TMBIM4: variants seen among roughly 807,000 people sequenced by gnomAD.
TMBIM4 encodes protein lifeguard 4.
Under a neutral mutation model 27.7 loss-of-function variants are expected in TMBIM4, and 28 were observed. The ratio of observed to expected loss-of-function variants is 1.01; its 90% CI spans 0.75 to 1.38. The LOEUF (loss-of-function observed/expected upper bound fraction) is 1.38, where lower values mean the gene tolerates loss of function less well. Among genes scored for constraint, TMBIM4 ranks in the 40% most tolerant of loss-of-function variants. The pLI, the probability that TMBIM4 is intolerant of heterozygous loss-of-function variation, is 0.00. For missense variants in TMBIM4, 265 were observed against 277.5 expected (o/e 0.95, Z 0.32); for synonymous variants, 115 against 113.1 (o/e 1.02, Z -0.11).
rs1193505198 is a variant in TMBIM4, at chr12:66,145,970, A to ACC, written c.347-13_347-12insGG. The ACC allele has an allele frequency of 1.4e-6, 2 of 1,391,494 alleles. No individual in the cohort carries two copies. The highest frequency in any genetic ancestry group is 2.0e-6 in the Non-Finnish European group (2 of 992,046). 86.2% of individuals were successfully genotyped at this position (1,391,494 alleles called of 1,614,324 possible). A position where few individuals can be genotyped will look rare whatever the true frequency, so the allele number is the denominator to read the frequency against. ...ATCATAGAAAGTAACTGTAAAATTA[A>ACC]AACACTGATTAACATGCATATAAAC... On this transcript the variant is annotated splice_polypyrimidine_tract_variant and intron_variant, in intron 4 of 6. Transcript: ENST00000358230.
At chr12:66,140,099 A>G (rs1012838928) in intron 5 of TMBIM4, among the ~76,000 whole-genome samples, 2 of 152,232 alleles carry the variant, frequency 1.3e-5, no homozygotes, top group African/African-American at 2.4e-5. Context: ...AATGACCAGC[A>G]TCCAATAAAA....
At position 66,155,892 on chromosome 12, in the gene TMBIM4, A is replaced by C. The variant is rs187746015; in HGVS notation, c.98-2444T>G. ...TACCCTGGGCAGTAGTACTAAGGATAATTTTCATATTCAGTTCTTTACTAA... is the reference window on the plus strand; with the variant it reads ...TACCCTGGGCAGTAGTACTAAGGATCATTTTCATATTCAGTTCTTTACTAA... On this transcript the variant is annotated intron_variant, in intron 1 of 6. Coordinates refer to ENST00000358230, the MANE Select transcript of TMBIM4 (RefSeq NM_016056.4). Among the ~76,000 whole-genome samples, 10 of 152,324 alleles carry C rather than the reference A, an allele frequency of 6.6e-5. No individual in the cohort carries two copies. The East Asian group carries it at 1.5e-3, about 24-fold the overall frequency.
At position 66,138,756 on chromosome 12, in the gene TMBIM4, A is replaced by C. The variant is rs752601682; in HGVS notation, c.478T>G (p.Leu160Val). ...SKFGAGLFAL[L>V]WILCLSGFLK... is the part of the protein sequence containing the mutation. Reference sequence around the variant, plus strand: ...AATCCTGACAGGCACAATATCCACAAAAGAGCAAACAGCCTATAAAAATAC... The same window carrying C: ...AATCCTGACAGGCACAATATCCACACAAGAGCAAACAGCCTATAAAAATAC... Residue 160 changes from leucine to valine, a missense_variant, in exon 6 of 7, where the codon TTG becomes GTG. By Grantham distance (32) the Leu-to-Val change is conservative. Coordinates refer to ENST00000358230, the MANE Select transcript of TMBIM4 (RefSeq NM_016056.4). 1.3e-6 allele frequency: 2 copies of C among 1,548,612 alleles called. No homozygotes were observed. Among genetic ancestry groups the C allele is most frequent in the Non-Finnish European group, 1.7e-6 (2 of 1,157,010 alleles).
Position 66,137,852 on chromosome 12 carries a change from C to A in TMBIM4, c.*108G>T. 1 of 824,726 alleles carries A rather than the reference C, an allele frequency of 1.2e-6. No homozygotes were observed. Among genetic ancestry groups the A allele is most frequent in the Non-Finnish European group, 1.9e-6 (1 of 529,324 alleles). 51.1% of individuals were successfully genotyped at this position (824,726 alleles called of 1,614,324 possible). ...AACAGTATTTAATCATTGTTTCAAA[C>A]TTTATTACTTAATGAAACAGTTTCT... On this transcript the variant is annotated 3_prime_UTR_variant, in exon 7 of 7. Transcript: ENST00000358230.
At chr12:66,147,875 A>G in intron 4 of TMBIM4, 33 bp downstream of exon 4, 1 of 1,589,172 alleles carries the variant, frequency 6.3e-7, no homozygotes, top group Non-Finnish European at 8.6e-7. Flanking sequence ...TTAAAAAGTT[A>G]TTATAACATA....
intron 1 of TMBIM4, among the ~76,000 whole-genome samples, chr12:66,158,894 A>G (rs943930148): frequency 1.3e-5 from 2 of 152,200 alleles, no homozygotes; most frequent in Admixed American, 6.5e-5. Flanking sequence ...TTTTTAGGTT[A>G]AAAGTCTTTG....
At chr12:66,157,742 G>T (rs2051960626) in intron 1 of TMBIM4, among the ~76,000 whole-genome samples, 1 of 152,142 alleles carries the variant, frequency 6.6e-6, no homozygotes, top group African/African-American at 2.4e-5. Flanking sequence ...TATGCAAACT[G>T]GAGGAAAGAG....
chr12:66,168,823 G>A (rs1348716959), intron 1 of TMBIM4: 1 of 153,446 alleles, frequency 6.5e-6, no homozygotes, highest in East Asian at 1.9e-4. Context: ...TGTGTCTAAA[G>A]TTTTTCTTTT....
chr12:66,140,293 T>A (rs925424400), intron 5 of TMBIM4, among the ~76,000 whole-genome samples: 2 of 152,106 alleles, frequency 1.3e-5, no homozygotes, highest in African/African-American at 4.8e-5. Context: ...TGGAAGATAC[T>A]ATTTTTTTTC....
intron 5 of TMBIM4, among the ~76,000 whole-genome samples, chr12:66,140,427 T>C (rs755903892): frequency 5.3e-5 from 8 of 151,508 alleles, no homozygotes; most frequent in Non-Finnish European, 1.0e-4. Context: ...AAAACAGCAA[T>C]AGAAACTAAC....
intron 1 of TMBIM4, among the ~76,000 whole-genome samples, chr12:66,164,538 A>T (rs1279105694): frequency 6.6e-6 from 1 of 152,214 alleles, no homozygotes; most frequent in African/African-American, 2.4e-5. Flanking sequence ...GTTTCCTGGA[A>T]CTGGGGTTAG....
At chr12:66,150,706 C>T (rs182774510) in intron 3 of TMBIM4, among the ~76,000 whole-genome samples, 10 of 152,278 alleles carry the variant, frequency 6.6e-5, no homozygotes, top group South Asian at 6.2e-4. Flanking sequence ...TGAGCCACCA[C>T]GCCTGGACCA....
In TMBIM4 at chr12:66,152,348, C is replaced by T. The variant is rs746695806; in HGVS notation, c.235G>A (p.Gly79Arg). ...AACGCAAAAATCAAACCCAGAGATC[C>T]GAGGGCAAACAGCAAAATTAAGGCA... Reference protein sequence around the residue: ...SPALILLFALGSLGLIFALIL... With the variant: ...SPALILLFALRSLGLIFALIL... The change falls in exon 3 of 7, where the codon GGA (glycine) becomes AGA (arginine). Residue 79 changes from glycine (G) to arginine (R), a missense_variant. Coordinates refer to ENST00000358230, the MANE Select transcript of TMBIM4 (RefSeq NM_016056.4). 15 of 1,607,492 alleles carry T rather than the reference C, an allele frequency of 9.3e-6. No individual in the cohort carries two copies. In the South Asian group the frequency reaches 1.0e-4, roughly 11 times the overall value.
intron 3 of TMBIM4, among the ~76,000 whole-genome samples, chr12:66,149,681 C>T (rs1029709303): frequency 6.6e-6 from 1 of 152,028 alleles, no homozygotes; most frequent in Non-Finnish European, 1.5e-5. Flanking sequence ...GGGTTACATG[C>T]CAATACACCC....
intron 3 of TMBIM4, 28 bp from the exon 4 acceptor site, chr12:66,147,969 C>T: frequency 6.3e-7 from 1 of 1,599,994 alleles, no homozygotes; most frequent in Non-Finnish European, 8.5e-7. Context: ...AAATTAGTGA[C>T]TGTAAAATTT....
At chr12:66,145,708 C>A in intron 5 of TMBIM4, 133 bp downstream of exon 5, 1 of 545,376 alleles carries the variant, frequency 1.8e-6, no homozygotes. Flanking sequence ...CCCTAGTACT[C>A]AAAGAGATGA....
chr12:66,153,532 GT>G (rs1036788869), intron 1 of TMBIM4, 84 bp from the exon 2 acceptor site: 1 of 753,834 alleles, frequency 1.3e-6, no homozygotes, highest in East Asian at 3.0e-5. Flanking sequence ...TTAAAAAATT[GT>G]TTTTTACACG....
At position 66,136,425 on chromosome 12, in the gene TMBIM4, A is replaced by G. The variant is rs1378350152; in HGVS notation, c.*1535T>C. On this transcript the variant is annotated 3_prime_UTR_variant, in exon 7 of 7. Transcript: ENST00000358230. ...CATGCAAGCTTAAATTGATACTACA[A>G]GTTTATTTCAACTTAATAGCTGGGA... 1.3e-5 allele frequency: 2 copies of G among 154,294 alleles called. No individual in the cohort carries two copies. Among genetic ancestry groups the G allele is most frequent in the Non-Finnish European group, 2.9e-5 (2 of 68,184 alleles). The allele number at this position is 154,294 out of a possible 1,614,324, so 9.6% of individuals were successfully genotyped here. A position where few individuals can be genotyped will look rare whatever the true frequency, so the allele number is the denominator to read the frequency against.
At chr12:66,155,914 C>A (rs1222740235) in intron 1 of TMBIM4, among the ~76,000 whole-genome samples, 1 of 152,140 alleles carries the variant, frequency 6.6e-6, no homozygotes, top group Non-Finnish European at 1.5e-5. Context: ...CAGTTCTTTA[C>A]TAATCTGTAT....
Sources: allele counts gnomAD v4.1 joint callset (sites outside exome capture counted in the v4.1 genomes callset), GRCh38; gene constraint gnomAD v4.1.1; transcripts MANE v1.5; gene names NCBI Gene and HGNC (gene_info 2026-07-23, HGNC 2026-07-21).